RARB: variants seen among roughly 807,000 people sequenced by gnomAD.
The protein encoded by RARB is retinoic acid receptor beta.
RARB carries 17 observed loss-of-function variants against 51.9 expected under a neutral mutation model. The ratio of observed to expected loss-of-function variants is 0.33; its 90% CI spans 0.22 to 0.49. The LOEUF is 0.49. RARB is among the 20% of genes least tolerant of loss of function. The pLI is 0.99. For missense variants in RARB, 369 were observed against 550.8 expected (o/e 0.67, Z 3.30); for synonymous variants, 215 against 195.4 (o/e 1.10, Z -0.84).
chr3:25,417,826 A>C (rs1463463909), intron 5 of RARB, among the ~76,000 whole-genome samples: 1 of 152,224 alleles, frequency 6.6e-6, no homozygotes, highest in African/African-American at 2.4e-5. Flanking sequence ...GAGACCCAAA[A>C]AATGACGGCA....
chr3:24,850,773 A>C (rs1004977152), intron 1 of RARB, among the ~76,000 whole-genome samples: 1 of 152,238 alleles, frequency 6.6e-6, no homozygotes, highest in Admixed American at 6.5e-5. Context: ...GTTCAAATGC[A>C]GATTCTGATC....
chr3:25,300,723 C>T (rs895029046), intron 5 of RARB, among the ~76,000 whole-genome samples: 1 of 152,174 alleles, frequency 6.6e-6, no homozygotes, highest in Non-Finnish European at 1.5e-5. Context: ...GGAGTGGTGG[C>T]TCACACCTGT....
At chr3:25,068,906 A>G (rs1698716570) in intron 3 of RARB, among the ~76,000 whole-genome samples, 2 of 152,044 alleles carry the variant, frequency 1.3e-5, no homozygotes, top group Non-Finnish European at 2.9e-5. Flanking sequence ...TAAAGGGGCA[A>G]TAGGGCCATA....
chr3:25,031,356 G>C (rs1201276453), intron 2 of RARB, among the ~76,000 whole-genome samples: 2 of 152,118 alleles, frequency 1.3e-5, no homozygotes, highest in Non-Finnish European at 2.9e-5. Context: ...ACATAGAGCA[G>C]GTCCCAAACT....
rs1173966107 is a variant in RARB at position 25,225,370 on chromosome 3, C to G, written c.178+50795C>G. 2.0e-5 allele frequency among the ~76,000 whole-genome samples: 3 copies of G among 152,042 alleles called. No individual in the cohort carries two copies. In the East Asian group the frequency reaches 5.8e-4, roughly 29 times the overall value. Reference sequence around the variant, plus strand: ...TGATTCCTGGGGCTGCAAATAATCTCTATGAAAAGGGTAATATCTGAGTAT... The same window carrying G: ...TGATTCCTGGGGCTGCAAATAATCTGTATGAAAAGGGTAATATCTGAGTAT... On this transcript the variant is annotated intron_variant, in intron 5 of 11. Coordinates refer to the RARB transcript ENST00000383772.
chr3:25,048,281 T>G (rs1698256588), intron 2 of RARB, among the ~76,000 whole-genome samples: 1 of 152,218 alleles, frequency 6.6e-6, no homozygotes, highest in Non-Finnish European at 1.5e-5. Flanking sequence ...CTTGGTGATT[T>G]GGGCCATCTA....
intron 5 of RARB, among the ~76,000 whole-genome samples, chr3:25,584,637 C>T (rs1472557565): frequency 2.6e-5 from 4 of 152,070 alleles, no homozygotes; most frequent in African/African-American, 4.8e-5. Context: ...CCAGCGGGGG[C>T]GAGACCTTAG....
chr3:24,965,406 A>C (rs954148689), intron 2 of RARB, among the ~76,000 whole-genome samples: 2 of 152,184 alleles, frequency 1.3e-5, no homozygotes, highest in East Asian at 3.8e-4. Flanking sequence ...TCTATGGAAA[A>C]AGTAGGTAGG....
intron 2 of RARB, among the ~76,000 whole-genome samples, chr3:25,477,153 G>T (rs2125576683): frequency 6.6e-6 from 1 of 152,320 alleles, no homozygotes; most frequent in Middle Eastern, 3.4e-3. Flanking sequence ...CAGAAAGGAA[G>T]AATGAAAATG....
intron 5 of RARB, among the ~76,000 whole-genome samples, chr3:25,396,180 G>C (rs1361354851): frequency 6.6e-6 from 1 of 152,176 alleles, no homozygotes; most frequent in Non-Finnish European, 1.5e-5. Context: ...CTTATAATGG[G>C]GAGGGTCTGT....
At chr3:25,595,369 CTG>C (rs1391765037) in intron 7 of RARB, among the ~76,000 whole-genome samples, 6 of 152,244 alleles carry the variant, frequency 3.9e-5, no homozygotes, top group South Asian at 2.1e-4. Flanking sequence ...GGAATAAACT[CTG>C]TATTTCAGAA....
intron 5 of RARB, among the ~76,000 whole-genome samples, chr3:25,581,093 T>A (rs1431842297): frequency 5.9e-5 from 9 of 152,160 alleles, no homozygotes. Context: ...ATTGCCACTC[T>A]TCCTCAGGTC....
chr3:24,944,278 A>T (rs1469220944), intron 2 of RARB, among the ~76,000 whole-genome samples: 1 of 152,186 alleles, frequency 6.6e-6, no homozygotes, highest in Non-Finnish European at 1.5e-5. Flanking sequence ...TTGGGGATGT[A>T]AATTCTGCCT....
At chr3:25,287,947 A>T (rs1703695636) in intron 5 of RARB, among the ~76,000 whole-genome samples, 1 of 152,108 alleles carries the variant, frequency 6.6e-6, no homozygotes, top group South Asian at 2.1e-4. Context: ...TTCAATATGC[A>T]TTATAAAGGG....
At chr3:25,429,035 A>T in intron 1 of RARB, 147 bp downstream of exon 1, 1 of 1,081,008 alleles carries the variant, frequency 9.3e-7, no homozygotes, top group Non-Finnish European at 1.3e-6. Flanking sequence ...GCTGGCATGC[A>T]TATTGATTCC....
intron 3 of RARB, among the ~76,000 whole-genome samples, chr3:25,541,886 A>G (rs1186302804): frequency 6.6e-6 from 1 of 152,132 alleles, no homozygotes; most frequent in Non-Finnish European, 1.5e-5. Flanking sequence ...ACTAGCTGAG[A>G]ACTCTGCTAT....
At chr3:25,436,003 A>G (rs1426306615) in intron 1 of RARB, among the ~76,000 whole-genome samples, 3 of 152,232 alleles carry the variant, frequency 2.0e-5, no homozygotes, top group Non-Finnish European at 4.4e-5. Context: ...CCAAGGAAGT[A>G]AATTACCGGT....
intron 3 of RARB, among the ~76,000 whole-genome samples, chr3:25,512,359 G>A (rs1330760928): frequency 2.6e-5 from 4 of 152,190 alleles, no homozygotes; most frequent in East Asian, 1.9e-4. Context: ...CAAGGTGATG[G>A]GTAGATGGGG....
At chr3:25,051,481 G>T (rs1031075349) in intron 2 of RARB, among the ~76,000 whole-genome samples, 5 of 152,124 alleles carry the variant, frequency 3.3e-5, no homozygotes, top group African/African-American at 9.7e-5. Flanking sequence ...AAAAATAGAA[G>T]AGAGGAGAAT....
Sources: allele counts gnomAD v4.1 joint callset (sites outside exome capture counted in the v4.1 genomes callset), GRCh38; gene constraint gnomAD v4.1.1; transcripts MANE v1.5; gene names NCBI Gene and HGNC (gene_info 2026-07-23, HGNC 2026-07-21).